The following KRT76 variants were observed in gnomAD, a reference collection of about 807,000 sequenced individuals.
The protein encoded by KRT76 is keratin, type II cytoskeletal 2 oral.
A neutral mutation model predicts 44.9 loss-of-function variants in KRT76; 47 were observed. The observed-to-expected ratio is 1.05, with a 90% CI of 0.83 to 1.33. KRT76 has a LOEUF of 1.33. Among genes scored for constraint, KRT76 ranks in the 40% most tolerant of loss-of-function variants. The probability of loss-of-function intolerance (pLI) is 0.00; values close to 1 mark genes in which losing one functional copy is unlikely to be tolerated. For missense variants in KRT76, 860 were observed against 775.8 expected (o/e 1.11, Z -1.29); for synonymous variants, 331 against 294.1 (o/e 1.13, Z -1.28).
At chr12:52,770,199 C>G (rs572192868) in intron 7 of KRT76, among the ~76,000 whole-genome samples, 45 of 152,298 alleles carry the variant, frequency 3.0e-4, no homozygotes, top group African/African-American at 9.4e-4. Context: ...CTGGTGTTGA[C>G]CATTCCCTCC....
chr12:52,773,019 T>C, intron 3 of KRT76, 141 bp from the exon 4 acceptor site: 1 of 612,622 alleles, frequency 1.6e-6, no homozygotes, highest in Non-Finnish European at 2.9e-6. Flanking sequence ...CCTTTTAAAA[T>C]AAGGAAGATC....
intron 1 of KRT76, 52 bp downstream of exon 1, chr12:52,776,640 C>T (rs926490238): frequency 5.3e-5 from 86 of 1,612,296 alleles, no homozygotes; most frequent in South Asian, 5.3e-4. Flanking sequence ...CTTTCTACAC[C>T]GACCCCTGGG....
At chr12:52,775,298 G>T (rs1008953909) in intron 2 of KRT76, 90 bp downstream of exon 2, 1 of 1,116,438 alleles carries the variant, frequency 9.0e-7, no homozygotes, top group Non-Finnish European at 1.3e-6. Flanking sequence ...TTGACTGAAG[G>T]CACAGTTGGG....
intron 8 of KRT76, 105 bp downstream of exon 8, chr12:52,769,444 T>A: frequency 1.0e-6 from 1 of 981,702 alleles, no homozygotes; most frequent in Non-Finnish European, 1.6e-6. Context: ...GTGGCCTGAC[T>A]TCCTTGGATG....
chr12:52,776,262 A>G (rs1347101025), intron 1 of KRT76, among the ~76,000 whole-genome samples: 1 of 152,202 alleles, frequency 6.6e-6, no homozygotes, highest in Non-Finnish European at 1.5e-5. Flanking sequence ...CTGGAAGGTA[A>G]GGCAGCTGCC....
chr12:52,777,034 G>T lies in KRT76; in HGVS notation c.258C>A (p.Ser86Arg), dbSNP rs1040479320. Residue 86 changes from serine to arginine, a missense_variant, in exon 1 of 9, where the codon AGC becomes AGA. Physicochemically the swap from Ser to Arg is moderately radical, Grantham distance 110. Transcript: ENST00000332411. ...SRAGGFGGGRSSCGFAGGYGG... is the reference protein window; with the variant it reads ...SRAGGFGGGRRSCGFAGGYGG... ...CATAGCCACCTGCAAAGCCACAGCT[G>T]CTCCGCCCTCCCCCAAAGCCTCCAG... is the stretch of plus-strand genomic sequence containing the variant. The T allele has an allele frequency of 5.0e-6, 8 of 1,613,940 alleles. No individual in the cohort carries two copies. Among genetic ancestry groups the T allele is most frequent in the African/African-American group, 4.0e-5 (3 of 74,930 alleles).
chr12:52,773,559 T>G lies in KRT76; in HGVS notation c.876+23A>C, dbSNP rs753603958. Reference sequence around the variant, plus strand: ...GCAGCTCCCAGAAAGGAAACCTGGATATGCTGGTCCAGGCTCACCTACCTT... The same window carrying G: ...GCAGCTCCCAGAAAGGAAACCTGGAGATGCTGGTCCAGGCTCACCTACCTT... On this transcript the variant is annotated intron_variant, in intron 3 of 8. Coordinates refer to ENST00000332411, the MANE Select transcript of KRT76 (RefSeq NM_015848.4). 14 of 1,597,364 alleles carry G rather than the reference T, an allele frequency of 8.8e-6. No individual in the cohort carries two copies. In the South Asian group the frequency reaches 1.6e-4, roughly 18 times the overall value.
rs534309128 is a variant in KRT76, at chr12:52,769,980, A to G, written c.1485-397T>C. 2.0e-5 allele frequency among the ~76,000 whole-genome samples: 3 copies of G among 152,136 alleles called. 1 individual carries two copies. The highest frequency in any genetic ancestry group is 1.9e-4 in the East Asian group (1 of 5,166). ...CTGCCTTTCCAAGAAGGCTTCCACA[A>G]TGGGCCCTCCTGGGGTGGTGGTGAC... On this transcript the variant is annotated intron_variant, in intron 7 of 8. Transcript: ENST00000332411.
In KRT76 at chr12:52,768,931, T is replaced by G. The variant is rs1184144032; in HGVS notation, c.1699A>C (p.Thr567Pro). 2 of 1,530,700 alleles carry G rather than the reference T, an allele frequency of 1.3e-6. No individual in the cohort carries two copies. The highest frequency in any genetic ancestry group is 9.0e-7 in the Non-Finnish European group (1 of 1,111,580). The allele number at this position is 1,530,700 out of a possible 1,614,324, so 94.8% of individuals were successfully genotyped here. A position where few individuals can be genotyped will look rare whatever the true frequency, so the allele number is the denominator to read the frequency against. The part of the protein sequence containing the change: ...SGYGGVSSGS[T>P]GGRGSSGSYQ... ...CTCCCGCTGCTACCCCTGCCCCCAG[T>G]GCTGCCACTGCTGACCCCTCCATAG... Residue 567 changes from threonine to proline, a missense_variant, in exon 9 of 9, where the codon ACT (threonine) becomes CCT (proline). Thr to Pro is a conservative substitution (Grantham distance 38). Coordinates refer to ENST00000332411, the MANE Select transcript of KRT76 (RefSeq NM_015848.4).
intron 6 of KRT76, 87 bp downstream of exon 6, chr12:52,771,784 G>A: frequency 1.4e-6 from 2 of 1,463,790 alleles, no homozygotes; most frequent in South Asian, 2.7e-5. Flanking sequence ...AGGATGGAGA[G>A]AGCATGTAGC....
In KRT76 at chr12:52,768,515, T is replaced by C; in HGVS notation, c.*198A>G. The C allele has an allele frequency of 1.7e-6, 1 of 594,508 alleles. No homozygotes were observed. Among genetic ancestry groups the C allele is most frequent in the Admixed American group, 3.0e-5 (1 of 33,660 alleles). 36.8% of individuals were successfully genotyped at this position (594,508 alleles called of 1,614,324 possible). A position where few individuals can be genotyped will look rare whatever the true frequency, so the allele number is the denominator to read the frequency against. On this transcript the variant is annotated 3_prime_UTR_variant, in exon 9 of 9. Transcript: ENST00000332411. ...AGGAAGGTTTCCAGGGGCATCATCA[T>C]CCCAGACCAGCAGCAGGACCTCCAT...
At position 52,768,548 on chromosome 12, in the gene KRT76, G is replaced by A; in HGVS notation, c.*165C>T. 3.9e-6 allele frequency: 3 copies of A among 759,888 alleles called. No individual in the cohort carries two copies. Among genetic ancestry groups the A allele is most frequent in the East Asian group, 5.0e-5 (2 of 39,956 alleles). The allele number at this position is 759,888 out of a possible 1,614,324, so 47.1% of individuals were successfully genotyped here. ...CAGCAGCAGGACCTCCATGGCCCTG[G>A]GAAGGTCATGGGGATGGAGAAACCA... is the stretch of plus-strand genomic sequence containing the variant. On this transcript the variant is annotated 3_prime_UTR_variant, in exon 9 of 9. Coordinates refer to ENST00000332411, the MANE Select transcript of KRT76 (RefSeq NM_015848.4).
chr12:52,771,748 C>T (rs1002125826), intron 6 of KRT76, 123 bp downstream of exon 6: 34 of 1,241,592 alleles, frequency 2.7e-5, no homozygotes, highest in Middle Eastern at 5.7e-4. Flanking sequence ...CCAGACACTG[C>T]GCTATCCCAC....
chr12:52,771,985 CA>C lies in KRT76; in HGVS notation c.1148del (p.Leu383ArgfsTer12), dbSNP rs777894824. The C allele has an allele frequency of 6.2e-7, 1 of 1,613,830 alleles. No individual in the cohort carries two copies. The highest frequency in any genetic ancestry group is 8.5e-7 in the Non-Finnish European group (1 of 1,179,864). On this transcript the variant is annotated frameshift_variant, in exon 6 of 9. Transcript: ENST00000332411. LOFTEE classifies it high-confidence loss of function. ...EALYQTKLGE[L>X]QTTAGRHGDD... ...CCCCATGCCTGCCAGCTGTGGTCTG[CA>C]GCTCCCCAAGCTGACAGAGGAAAAA...
Position 52,770,993 on chromosome 12 carries a change from C to A in KRT76, c.1484+6G>T, listed in dbSNP as rs747549553. On this transcript the variant is annotated splice_donor_region_variant and intron_variant, in intron 7 of 8. Coordinates refer to ENST00000332411, the MANE Select transcript of KRT76 (RefSeq NM_015848.4). ...TCTGGAGAATGGTGATCCCATGGCCCCTCACCTGCACTCCTCTCCCTCCAG... is the reference window on the plus strand; with the variant it reads ...TCTGGAGAATGGTGATCCCATGGCCACTCACCTGCACTCCTCTCCCTCCAG... The A allele has an allele frequency of 3.1e-6, 5 of 1,613,978 alleles. No individual in the cohort carries two copies. Among genetic ancestry groups the A allele is most frequent in the East Asian group, 4.5e-5 (2 of 44,888 alleles).
chr12:52,775,079 G>A (rs951101371), intron 2 of KRT76, among the ~76,000 whole-genome samples: 2 of 152,192 alleles, frequency 1.3e-5, no homozygotes, highest in Admixed American at 6.5e-5. Flanking sequence ...AGCATCCAAG[G>A]TGATTCCTGT....
Position 52,775,584 on chromosome 12 carries a change from G to C in KRT76, c.619C>G (p.Gln207Glu). 1 of 1,613,592 alleles carries C rather than the reference G, an allele frequency of 6.2e-7. No homozygotes were observed. ...FIDKVRFLEQQNKVLETKWEL... is the reference protein window; with the variant it reads ...FIDKVRFLEQENKVLETKWEL... ...CACTTGGTCTCCAGGACCTTGTTCT[G>C]CTGTTCCAGGAACCGCACCTGCATG... The change falls in exon 2 of 9, where the codon CAG becomes GAG. Residue 207 changes from glutamine to glutamate, a missense_variant. By Grantham distance (29) the Gln-to-Glu change is conservative (BLOSUM62 2). Transcript: ENST00000332411.
At position 52,772,143 on chromosome 12, in the gene KRT76, TC is replaced by T; in HGVS notation, c.1087del (p.Glu363ArgfsTer32). On this transcript the variant is annotated frameshift_variant, in exon 5 of 9. Transcript: ENST00000332411. LOFTEE classifies it high-confidence loss of function. ...TTCAGACTTGCTCCTCTGGGCAATC[TC>T]CTCATACTGGGCGCGGACCTCGGCA... is the stretch of plus-strand genomic sequence containing the variant. ...IIAEVRAQYE[E>X]IAQRSKSEAE... 6.2e-7 allele frequency: 1 copy of T among 1,613,554 alleles called. No homozygotes were observed. Among genetic ancestry groups the T allele is most frequent in the Non-Finnish European group, 8.5e-7 (1 of 1,179,682 alleles).
intron 3 of KRT76, 26 bp from the exon 4 acceptor site, chr12:52,772,904 G>A (rs533349918): frequency 6.4e-7 from 1 of 1,550,780 alleles, no homozygotes; most frequent in South Asian, 1.1e-5. Context: ...GAAACCCAGA[G>A]AATGACCCTC....
Sources: gnomAD v4.1 joint callset for allele counts (sites outside exome capture counted in the v4.1 genomes callset) on GRCh38, gnomAD v4.1.1 for gene constraint, MANE v1.5 for transcripts, NCBI Gene and HGNC (gene_info 2026-07-23, HGNC 2026-07-21) for gene names.